Variants in ADCY5 observed in about 807,000 individuals in gnomAD.
ADCY5 encodes the protein adenylate cyclase type 5.
In ADCY5, 30 loss-of-function variants were observed where a neutral mutation model predicts 119.7. The observed-to-expected ratio is 0.25, with a 90% CI of 0.19 to 0.34. The LOEUF (loss-of-function observed/expected upper bound fraction) is 0.34. ADCY5 is among the 10% of genes least tolerant of loss of function. ADCY5 has a pLI of 1.00. For synonymous variants in ADCY5, 753 were observed against 762.2 expected (o/e 0.99, Z 0.20); for missense variants, 1,324 against 1,775.2 (o/e 0.75, Z 4.57).
intron 3 of ADCY5, among the ~76,000 whole-genome samples, chr3:123,345,664 A>T (rs1942496969): frequency 6.6e-6 from 1 of 152,096 alleles, no homozygotes; most frequent in South Asian, 2.1e-4. Context: ...CCTAAGGGGG[A>T]GACCCCTGGA....
At chr3:123,300,025 G>C in intron 15 of ADCY5, 95 bp downstream of exon 15, 1 of 1,363,934 alleles carries the variant, frequency 7.3e-7, no homozygotes, top group South Asian at 1.3e-5. Context: ...CTCCTCGCAA[G>C]TTCCCTGTGG....
chr3:123,301,877 T>G (rs1306512582), intron 14 of ADCY5, among the ~76,000 whole-genome samples: 1 of 135,990 alleles, frequency 7.4e-6, no homozygotes, highest in African/African-American at 2.7e-5. Context: ...GGGTGCAGCA[T>G]GGCTGCCTGG....
intron 3 of ADCY5, among the ~76,000 whole-genome samples, chr3:123,346,603 C>T (rs1000432655): frequency 2.6e-5 from 3 of 114,282 alleles, no homozygotes; most frequent in African/African-American, 1.0e-4. Context: ...CTGTCAGCCT[C>T]ACCTTCTCTC....
intron 1 of ADCY5, among the ~76,000 whole-genome samples, chr3:123,399,126 C>T (rs1041824000): frequency 4.6e-5 from 7 of 152,234 alleles, no homozygotes; most frequent in Admixed American, 4.6e-4. Context: ...TAGAGCAGTG[C>T]TGCCCAGTGG....
intron 1 of ADCY5, among the ~76,000 whole-genome samples, chr3:123,388,926 G>C (rs537727130): frequency 6.6e-6 from 1 of 152,306 alleles, no homozygotes; most frequent in Admixed American, 6.5e-5. Context: ...ACGCCAGGGA[G>C]TGAAGGAGGT....
In ADCY5 at chr3:123,282,622, G is replaced by A. The variant is rs1167691706; in HGVS notation, c.*1986C>T. 1 of 152,430 alleles carries A rather than the reference G, an allele frequency of 6.6e-6. No individual in the cohort carries two copies. The highest frequency in any genetic ancestry group is 1.9e-4 in the East Asian group (1 of 5,210). 9.4% of individuals were successfully genotyped at this position (152,430 alleles called of 1,614,324 possible). ...GGCAGGGAACTTGAGAACAACAGCT[G>A]GAAGAAAGCAGGCCTCCTGTGGCCG... On this transcript the variant is annotated 3_prime_UTR_variant, in exon 21 of 21. Coordinates refer to ENST00000462833, the MANE Select transcript of ADCY5 (RefSeq NM_183357.3).
chr3:123,325,845 C>T lies in ADCY5; in HGVS notation c.1948-383G>A, dbSNP rs552647975. ...CTAGGCTCCGAAAGGCCTGAGCTGA[C>T]GCACCCAGCTGCCCGCACTGTGCTT... On this transcript the variant is annotated intron_variant, in intron 7 of 20. Transcript: ENST00000462833. Among the ~76,000 whole-genome samples, 11 of 152,376 alleles carry T rather than the reference C, an allele frequency of 7.2e-5. No individual in the cohort carries two copies. In the East Asian group the frequency reaches 7.7e-4, roughly 11 times the overall value.
chr3:123,383,475 C>T (rs983550961), intron 1 of ADCY5, among the ~76,000 whole-genome samples: 2 of 152,168 alleles, frequency 1.3e-5, no homozygotes, highest in African/African-American at 2.4e-5. Flanking sequence ...TTCTTCTGAT[C>T]GCCTGGGAAA....
chr3:123,293,963 C>T (rs1014979584), intron 17 of ADCY5, among the ~76,000 whole-genome samples: 3 of 152,114 alleles, frequency 2.0e-5, no homozygotes, highest in Admixed American at 1.3e-4. Flanking sequence ...GATTAGCCTG[C>T]GATCGCGTGT....
At chr3:123,297,169 C>G in intron 16 of ADCY5, 184 bp downstream of exon 16, 1 of 1,358,062 alleles carries the variant, frequency 7.4e-7, no homozygotes, top group Non-Finnish European at 1.0e-6. Context: ...TGAAAGTGAC[C>G]AGGGCCTCTG....
intron 1 of ADCY5, among the ~76,000 whole-genome samples, chr3:123,403,201 G>A (rs529737250): frequency 6.6e-6 from 1 of 152,054 alleles, no homozygotes; most frequent in East Asian, 1.9e-4. Flanking sequence ...GCAATATGGG[G>A]AAACCCCATC....
rs34160272 is a variant in ADCY5 at position 123,435,851 on chromosome 3, T to TTTATTA, written c.1134+11555_1134+11560dup. Among the ~76,000 whole-genome samples, 781 of 125,842 alleles carry TTTATTA rather than the reference T, an allele frequency of 6.2e-3. 3 individuals are homozygous for TTTATTA. The highest frequency in any genetic ancestry group is 0.012 in the East Asian group (50 of 4,094). 82.6% of individuals were successfully genotyped at this position (125,842 alleles called of 152,430 possible). On this transcript the variant is annotated intron_variant, in intron 1 of 20. Coordinates refer to ENST00000462833, the MANE Select transcript of ADCY5 (RefSeq NM_183357.3). ...GCCTGGGCAACCTGGCAAGAGCCCTTTTATTATTATTATTATTATTATTAT... is the reference window on the plus strand; with the variant it reads ...GCCTGGGCAACCTGGCAAGAGCCCTTTTATTATTATTATTATTATTATTATTATTAT...
At position 123,352,530 on chromosome 3, in the gene ADCY5, T is replaced by A. The variant is rs1263094598; in HGVS notation, c.1186A>T (p.Thr396Ser). 2 of 1,613,792 alleles carry A rather than the reference T, an allele frequency of 1.2e-6. No individual in the cohort carries two copies. Among genetic ancestry groups the A allele is most frequent in the South Asian group, 2.2e-5 (2 of 91,060 alleles). ...TGGGAGACCTCAGCCGGATAGTGGGTGCAGACACCCACGATGTTGGTGCAG... is the reference window on the plus strand; with the variant it reads ...TGGGAGACCTCAGCCGGATAGTGGGAGCAGACACCCACGATGTTGGTGCAG... ...FSCTNIVGVC[T>S]HYPAEVSQRQ... is the part of the protein sequence containing the mutation. Residue 396 changes from threonine (T) to serine (S), a missense_variant, in exon 2 of 21, where the codon ACC (threonine) becomes TCC (serine). By Grantham distance (58) the Thr-to-Ser change is moderately conservative (BLOSUM62 1). Coordinates refer to ENST00000462833, the MANE Select transcript of ADCY5 (RefSeq NM_183357.3). This position sits in a 1 kb window ranked among gnomAD's most constrained non-coding sequence, Gnocchi z 4.8.
rs979663997 is a variant in ADCY5, at chr3:123,419,224, C to G, written c.1134+28188G>C. The G allele has an allele frequency of 3.0e-6, 3 of 985,350 alleles. No individual in the cohort carries two copies. In the Admixed American group the frequency reaches 1.8e-4, roughly 61 times the overall value. The allele number at this position is 985,350 out of a possible 1,614,324, so 61.0% of individuals were successfully genotyped here. ...TCCATGCATCTGACGAGCACACAGT[C>G]AGGTGGCACTCAAGGCCCTCCCCTC... On this transcript the variant is annotated intron_variant, in intron 1 of 20. Coordinates refer to ENST00000462833, the MANE Select transcript of ADCY5 (RefSeq NM_183357.3).
chr3:123,389,154 G>GA (rs76682895), intron 1 of ADCY5, among the ~76,000 whole-genome samples: 9,817 of 152,170 alleles, frequency 0.065, 787 homozygotes, highest in East Asian at 0.25. Context: ...CTGAGATGGA[G>GA]AGGGAAGGCT....
chr3:123,324,374 C>T (rs1487290619), intron 8 of ADCY5, among the ~76,000 whole-genome samples: 1 of 148,262 alleles, frequency 6.7e-6, no homozygotes, highest in African/African-American at 2.5e-5. Context: ...GTGCAACATG[C>T]CCCTCCTTCA....
chr3:123,314,706 C>T (rs535418683), intron 11 of ADCY5, among the ~76,000 whole-genome samples: 80 of 152,326 alleles, frequency 5.3e-4, no homozygotes, highest in Non-Finnish European at 9.4e-4. Flanking sequence ...GGAAGAACCA[C>T]CTGGTTACTC....
intron 2 of ADCY5, among the ~76,000 whole-genome samples, chr3:123,349,320 T>C (rs1419689561): frequency 6.6e-6 from 1 of 152,214 alleles, no homozygotes; most frequent in East Asian, 1.9e-4. Flanking sequence ...CTGACACTCA[T>C]TCCTTTCCCC....
At chr3:123,419,382 C>T (rs959551533) in intron 1 of ADCY5, among the ~76,000 whole-genome samples, 2 of 152,192 alleles carry the variant, frequency 1.3e-5, no homozygotes, top group African/African-American at 4.8e-5. Flanking sequence ...ACTTTTCCAA[C>T]AGAAATGTCT....
Sources: gnomAD v4.1 joint callset for allele counts (sites outside exome capture counted in the v4.1 genomes callset) on GRCh38, gnomAD v4.1.1 for gene constraint, Gnocchi (gnomAD v3.1) non-coding constraint, MANE v1.5 for transcripts, NCBI Gene and HGNC (gene_info 2026-07-23, HGNC 2026-07-21) for gene names.